The following XRN2 variants were observed in gnomAD, a reference collection of about 807,000 sequenced individuals.
The protein encoded by XRN2 is 5'-3' exoribonuclease 2, also known as DHM1-like protein.
XRN2 carries 44 observed loss-of-function variants against 138.5 expected under a neutral mutation model. The observed-to-expected ratio is 0.32, with a 90% CI of 0.25 to 0.41. The LOEUF is 0.41. Ranked by LOEUF, XRN2 falls within the 10% of genes least tolerant of loss-of-function variation. The pLI is 1.00. For missense variants in XRN2, 937 were observed against 1,169.3 expected, an observed-to-expected ratio of 0.80 and a Z score of 2.90; for synonymous variants, 354 against 369.4, an observed-to-expected ratio of 0.96 and a Z score of 0.48.
At chr20:21,358,094 T>C (rs1407886706) in intron 24 of XRN2, among the ~76,000 whole-genome samples, 4 of 152,170 alleles carry the variant, frequency 2.6e-5, no homozygotes, top group Non-Finnish European at 2.9e-5. Flanking sequence ...CAGTTTGTTA[T>C]ATAGGAACAA....
At chr20:21,342,948 A>G (rs1402960467) in intron 15 of XRN2, among the ~76,000 whole-genome samples, 1 of 152,080 alleles carries the variant, frequency 6.6e-6, no homozygotes, top group Non-Finnish European at 1.5e-5. Flanking sequence ...TTTTTTGACA[A>G]TATTGTCTGT....
intron 1 of XRN2, among the ~76,000 whole-genome samples, chr20:21,312,792 A>C (rs189661494): frequency 8.0e-4 from 121 of 151,986 alleles, no homozygotes; most frequent in African/African-American, 2.7e-3. Context: ...TTTTTAGTAG[A>C]GGTTTCACCA....
intron 1 of XRN2, among the ~76,000 whole-genome samples, chr20:21,313,722 T>G (rs1453323871): frequency 6.6e-6 from 1 of 152,238 alleles, no homozygotes; most frequent in East Asian, 1.9e-4. Context: ...GGTCTTACTG[T>G]TCTCATGTAA....
chr20:21,354,125 T>C (rs2038547452), intron 20 of XRN2, among the ~76,000 whole-genome samples: 1 of 152,226 alleles, frequency 6.6e-6, no homozygotes, highest in Non-Finnish European at 1.5e-5. Flanking sequence ...AAAATTATGC[T>C]TTTGGGTCCA....
At chr20:21,340,650 T>G in intron 14 of XRN2, 71 bp from the exon 15 acceptor site, 1 of 1,554,892 alleles carries the variant, frequency 6.4e-7, no homozygotes, top group Middle Eastern at 1.8e-4. Flanking sequence ...TCCATTGCCC[T>G]TCTTTCCTTT....
chr20:21,309,578 A>C (rs2037850709), intron 1 of XRN2, among the ~76,000 whole-genome samples: 1 of 152,006 alleles, frequency 6.6e-6, no homozygotes, highest in African/African-American at 2.4e-5. Flanking sequence ...AGCTGTCGTT[A>C]GTATTAGTGG....
intron 1 of XRN2, among the ~76,000 whole-genome samples, chr20:21,323,894 A>G (rs981270843): frequency 1.3e-5 from 2 of 152,156 alleles, no homozygotes; most frequent in African/African-American, 4.8e-5. Context: ...TCACTCTTCA[A>G]AGGCAGATAT....
intron 6 of XRN2, 128 bp from the exon 7 acceptor site, chr20:21,331,433 A>ACACC: frequency 2.7e-6 from 2 of 730,762 alleles, no homozygotes; most frequent in East Asian, 5.7e-5. Context: ...ACACACACAC[A>ACACC]CACACCCTTA....
intron 27 of XRN2, among the ~76,000 whole-genome samples, chr20:21,371,683 CAG>C (rs2038763620): frequency 6.6e-6 from 1 of 152,214 alleles, no homozygotes; most frequent in Non-Finnish European, 1.5e-5. Context: ...CATTCCTTAT[CAG>C]TTTCTTTTTT....
intron 13 of XRN2, among the ~76,000 whole-genome samples, chr20:21,337,936 C>T (rs2038318023): frequency 6.6e-6 from 1 of 152,036 alleles, no homozygotes; most frequent in Non-Finnish European, 1.5e-5. Context: ...CATTGGTGAC[C>T]TACACAAGAG....
chr20:21,354,725 A>G, intron 20 of XRN2, 64 bp from the exon 21 acceptor site: 1 of 1,467,332 alleles, frequency 6.8e-7, no homozygotes, highest in South Asian at 1.2e-5. Flanking sequence ...ATTTCGAGCA[A>G]TGATAAGTTG....
chr20:21,379,218 G>T lies in XRN2; in HGVS notation c.2585-2776G>T, dbSNP rs1187477889. Among the ~76,000 whole-genome samples the T allele has an allele frequency of 2.0e-5, 3 of 152,274 alleles. No individual in the cohort carries two copies. In the East Asian group the frequency reaches 5.8e-4, roughly 29 times the overall value. ...AGGAAAAAATTTTCCACTCTCGCCT[G>T]TACCTTCTGAAGTGCAATTCACTGT... is the stretch of plus-strand genomic sequence containing the variant. On this transcript the variant is annotated intron_variant, in intron 27 of 29. Transcript: ENST00000377191.
chr20:21,328,501 T>C (rs565766282), intron 3 of XRN2, 58 bp from the exon 4 acceptor site: 285 of 1,490,266 alleles, frequency 1.9e-4, no homozygotes, highest in Non-Finnish European at 1.3e-4. Context: ...CAAAATAAGG[T>C]ACAGATTTAT....
intron 17 of XRN2, 94 bp from the exon 18 acceptor site, chr20:21,348,052 A>T (rs896449099): frequency 5.0e-6 from 5 of 997,768 alleles, no homozygotes; most frequent in Non-Finnish European, 7.2e-6. Context: ...TAAGTAGAAT[A>T]TTATAGGTTA....
intron 19 of XRN2, 23 bp from the exon 20 acceptor site, chr20:21,349,366 C>A: frequency 1.4e-6 from 2 of 1,476,246 alleles, no homozygotes; most frequent in Non-Finnish European, 1.9e-6. Context: ...TGTTTTGATT[C>A]TTTACTTTTC....
At chr20:21,328,456 A>G (rs2038158703) in intron 3 of XRN2, 103 bp from the exon 4 acceptor site, 2 of 1,101,310 alleles carry the variant, frequency 1.8e-6, no homozygotes, top group African/African-American at 3.2e-5. Context: ...CCTTTCTTCC[A>G]TTTTAGTGTA....
At chr20:21,344,296 C>A in intron 16 of XRN2, 88 bp downstream of exon 16, 1 of 898,148 alleles carries the variant, frequency 1.1e-6, no homozygotes. Context: ...AGCAGCAGTG[C>A]CTTCAGATGC....
At chr20:21,381,679 G>A (rs1005579319) in intron 27 of XRN2, among the ~76,000 whole-genome samples, 5 of 148,116 alleles carry the variant, frequency 3.4e-5, no homozygotes, top group African/African-American at 1.3e-4. Context: ...TGTAAAAACT[G>A]TGTGTAATGT....
At chr20:21,361,063 C>T (rs116700174) in intron 24 of XRN2, among the ~76,000 whole-genome samples, 1 of 152,306 alleles carries the variant, frequency 6.6e-6, no homozygotes, top group African/African-American at 2.4e-5. Flanking sequence ...TGTTAACACT[C>T]TCTAACAGTA....
Sources: allele counts gnomAD v4.1 joint callset (sites outside exome capture counted in the v4.1 genomes callset), GRCh38; gene constraint gnomAD v4.1.1; transcripts MANE v1.5; gene names NCBI Gene and HGNC (gene_info 2026-07-23, HGNC 2026-07-21).